The following AGMO variants were observed in gnomAD, a reference collection of about 807,000 sequenced individuals.
AGMO encodes alkylglycerol monooxygenase.
AGMO carries 75 observed loss-of-function variants against 60.2 expected under a neutral mutation model. That is an observed-to-expected ratio of 1.25 (90% CI 1.03 to 1.51). AGMO has a LOEUF of 1.51. Among genes scored for constraint, AGMO ranks in the 40% most tolerant of loss-of-function variants. The pLI is 0.00. For missense variants in AGMO, 763 were observed against 525.5 expected (o/e 1.45, Z -4.42); for synonymous variants, 261 against 177.1 (o/e 1.47, Z -3.76).
At chr7:15,516,043 A>G (rs989462756) in intron 3 of AGMO, among the ~76,000 whole-genome samples, 1 of 152,214 alleles carries the variant, frequency 6.6e-6, no homozygotes, top group Non-Finnish European at 1.5e-5. Context: ...TACAAAAATA[A>G]TAAGTATGTG....
chr7:15,494,599 A>G (rs1021052227), intron 3 of AGMO, among the ~76,000 whole-genome samples: 4 of 152,174 alleles, frequency 2.6e-5, no homozygotes, highest in Non-Finnish European at 5.9e-5. Context: ...CACATGGGAG[A>G]AGCACTGTGG....
the AGMO span, among the ~76,000 whole-genome samples, chr7:15,140,750 A>AT: frequency 1.3e-5 from 2 of 151,866 alleles, no homozygotes; most frequent in African/African-American, 4.8e-5. Context: ...AAATTTTTGG[A>AT]TTTTTTTACA....
In AGMO at chr7:15,304,612, G is replaced by C. The variant is rs551571500; in HGVS notation, c.1263+60902C>G. 1.4e-4 allele frequency among the ~76,000 whole-genome samples: 21 copies of C among 152,170 alleles called. No homozygotes were observed. In the South Asian group the frequency reaches 4.4e-3, roughly 32 times the overall value. ...TCTTATTTATTCAGTTTCGTTATGA[G>C]TCAAGGGTTCGGTTTATCTGTTTCA... On this transcript the variant is annotated intron_variant, in intron 12 of 12. Coordinates refer to ENST00000342526, the MANE Select transcript of AGMO (RefSeq NM_001004320.2).
intron 3 of AGMO, among the ~76,000 whole-genome samples, chr7:15,490,777 A>G (rs1783048425): frequency 6.6e-6 from 1 of 152,188 alleles, no homozygotes; most frequent in Non-Finnish European, 1.5e-5. Flanking sequence ...CATTTCATAT[A>G]CAAAGTAAAC....
the AGMO span, among the ~76,000 whole-genome samples, chr7:15,135,979 CTTTTTT>C: frequency 9.4e-6 from 1 of 106,868 alleles, no homozygotes; most frequent in Non-Finnish European, 1.8e-5. Context: ...TTTTTCTTTT[CTTTTTT>C]TTTTTTTTTT....
At chr7:15,328,188 C>G (rs984858001) in intron 12 of AGMO, among the ~76,000 whole-genome samples, 1 of 152,002 alleles carries the variant, frequency 6.6e-6, no homozygotes, top group Non-Finnish European at 1.5e-5. Context: ...ACCTCAGCCT[C>G]TCAGGTTCAA....
chr7:15,342,965 C>T (rs1258660077), intron 12 of AGMO, among the ~76,000 whole-genome samples: 2 of 151,918 alleles, frequency 1.3e-5, no homozygotes, highest in Non-Finnish European at 1.5e-5. Context: ...TAGAATGGAG[C>T]AGACTCTTGA....
At chr7:15,467,107 A>G (rs2128510835) in intron 3 of AGMO, among the ~76,000 whole-genome samples, 1 of 152,266 alleles carries the variant, frequency 6.6e-6, no homozygotes, top group African/African-American at 2.4e-5. Context: ...TATAACAAAG[A>G]GTGAAAGAAT....
At chr7:15,301,626 A>G (rs1185648807) in intron 12 of AGMO, among the ~76,000 whole-genome samples, 3 of 152,184 alleles carry the variant, frequency 2.0e-5, no homozygotes, top group Admixed American at 6.5e-5. Context: ...TAGGAATGCT[A>G]AAAGGCTGAA....
chr7:15,357,310 A>G (rs974411359), intron 12 of AGMO, among the ~76,000 whole-genome samples: 5 of 151,728 alleles, frequency 3.3e-5, no homozygotes, highest in Non-Finnish European at 5.9e-5. Context: ...TATTCCTTAC[A>G]TTCATCTTGT....
In AGMO at chr7:15,548,070, C is replaced by T. The variant is rs1408415330; in HGVS notation, c.258-3147G>A. 5.9e-5 allele frequency among the ~76,000 whole-genome samples: 9 copies of T among 152,210 alleles called. No homozygotes were observed. In the South Asian group the frequency reaches 1.0e-3, roughly 18 times the overall value. ...AGCAGGGGCACACTGACACCTCACA[C>T]GGCAGGGTATTCCAACAGACCTGCA... On this transcript the variant is annotated intron_variant, in intron 2 of 12. Coordinates refer to ENST00000342526, the MANE Select transcript of AGMO (RefSeq NM_001004320.2).
chr7:15,361,363 C>A (rs1034133641), intron 12 of AGMO, among the ~76,000 whole-genome samples: 104 of 150,926 alleles, frequency 6.9e-4, no homozygotes, highest in Admixed American at 2.6e-3. Context: ...CATGGTGAAA[C>A]CCCATCTCTA....
the AGMO span, among the ~76,000 whole-genome samples, chr7:15,173,074 A>G: frequency 3.0e-4 from 46 of 152,288 alleles, no homozygotes; most frequent in Admixed American, 2.8e-3. Context: ...TTCTTTATTG[A>G]AAAGTAAATA....
intron 6 of AGMO, among the ~76,000 whole-genome samples, chr7:15,393,889 A>G (rs10252138): frequency 0.032 from 4,837 of 152,106 alleles, 104 homozygotes; most frequent in African/African-American, 0.054. Flanking sequence ...GAAAAATCCA[A>G]AAGTCAGATA....
In AGMO at chr7:15,309,418, A is replaced by C. The variant is rs57274097; in HGVS notation, c.1263+56096T>G. ...TCTTCAAATGTATCAAAAGAGTTAT[A>C]AAACAAACTTTCTGGGTGGGATAAA... On this transcript the variant is annotated intron_variant, in intron 12 of 12. Transcript: ENST00000342526. 6.9e-3 allele frequency among the ~76,000 whole-genome samples: 1,055 copies of C among 152,252 alleles called. 17 individuals carry two copies. Among genetic ancestry groups the C allele is most frequent in the African/African-American group, 0.024 (1,011 of 41,564 alleles).
At chr7:15,302,750 C>G (rs1211546409) in intron 12 of AGMO, among the ~76,000 whole-genome samples, 1 of 151,990 alleles carries the variant, frequency 6.6e-6, no homozygotes, top group African/African-American at 2.4e-5. Context: ...ATTGCTGTAC[C>G]TCCATCATAT....
intron 12 of AGMO, among the ~76,000 whole-genome samples, chr7:15,243,719 A>G (rs530534011): frequency 1.4e-4 from 22 of 152,300 alleles, no homozygotes; most frequent in Non-Finnish European, 2.4e-4. Flanking sequence ...CCCCAGAAAT[A>G]TACCAATTCC....
At chr7:15,392,455 T>C (rs1394540422) in intron 6 of AGMO, among the ~76,000 whole-genome samples, 1 of 152,094 alleles carries the variant, frequency 6.6e-6, no homozygotes, top group Non-Finnish European at 1.5e-5. Flanking sequence ...TCTTGACTTA[T>C]GGAGTGGTTA....
intron 12 of AGMO, among the ~76,000 whole-genome samples, chr7:15,351,325 T>C (rs1222771597): frequency 6.6e-6 from 1 of 152,116 alleles, no homozygotes; most frequent in Non-Finnish European, 1.5e-5. Flanking sequence ...AAGTAGAAAT[T>C]GCAAGACTTG....
Sources: gnomAD v4.1 joint callset for allele counts (sites outside exome capture counted in the v4.1 genomes callset) on GRCh38, gnomAD v4.1.1 for gene constraint, MANE v1.5 for transcripts, NCBI Gene and HGNC (gene_info 2026-07-23, HGNC 2026-07-21) for gene names.